CDK19: variants seen among roughly 807,000 people sequenced by gnomAD.
The protein encoded by CDK19 is cyclin dependent kinase 19.
Under a neutral mutation model 68.3 loss-of-function variants are expected in CDK19, and 20 were observed. That is an observed-to-expected ratio of 0.29 (90% CI 0.21 to 0.43). The LOEUF (loss-of-function observed/expected upper bound fraction) is 0.43, where lower values mean the gene tolerates loss of function less well. Ranked by LOEUF, CDK19 falls within the 20% of genes least tolerant of loss-of-function variation. The probability of loss-of-function intolerance (pLI) is 1.00; values close to 1 mark genes in which losing one functional copy is unlikely to be tolerated. For missense variants in CDK19, 339 were observed against 623.5 expected (o/e 0.54, Z 4.86); for synonymous variants, 221 against 222.8 (o/e 0.99, Z 0.07).
intron 4 of CDK19, among the ~76,000 whole-genome samples, chr6:110,649,554 GAAAAT>G (rs750915147): frequency 3.3e-5 from 5 of 151,910 alleles, no homozygotes; most frequent in Non-Finnish European, 7.4e-5. Context: ...AAAAGATAAA[GAAAAT>G]AAATGACAAA....
chr6:110,810,254 A>C (rs1308100345), intron 1 of CDK19, among the ~76,000 whole-genome samples: 5 of 152,218 alleles, frequency 3.3e-5, no homozygotes, highest in Non-Finnish European at 7.3e-5. Flanking sequence ...CTCAAGTATG[A>C]ATCATGCAAG....
intron 2 of CDK19, among the ~76,000 whole-genome samples, chr6:110,679,219 G>C (rs1161904867): frequency 6.6e-6 from 1 of 152,090 alleles, no homozygotes; most frequent in Non-Finnish European, 1.5e-5. Context: ...GGGAGGCTGA[G>C]GTACGAGGAC....
chr6:110,692,623 T>A (rs1212400585), intron 2 of CDK19, among the ~76,000 whole-genome samples: 5 of 152,110 alleles, frequency 3.3e-5, no homozygotes, highest in African/African-American at 1.2e-4. Flanking sequence ...TATACAAATA[T>A]AAGAAGCACA....
At chr6:110,750,050 G>A (rs1212127052) in intron 1 of CDK19, among the ~76,000 whole-genome samples, 1 of 145,786 alleles carries the variant, frequency 6.9e-6, no homozygotes, top group Non-Finnish European at 1.5e-5. Context: ...GATTATAGGC[G>A]TGAGCCACTG....
intron 1 of CDK19, among the ~76,000 whole-genome samples, chr6:110,808,073 TC>T (rs1171630545): frequency 6.6e-6 from 1 of 152,218 alleles, no homozygotes; most frequent in African/African-American, 2.4e-5. Flanking sequence ...ATAACAGTTT[TC>T]CTATTTATCC....
intron 2 of CDK19, among the ~76,000 whole-genome samples, chr6:110,739,836 C>T (rs1316719227): frequency 6.6e-6 from 1 of 151,110 alleles, no homozygotes; most frequent in Admixed American, 6.6e-5. Context: ...GACAGGGTCT[C>T]ACAATATTGT....
At chr6:110,785,074 C>CAAAA (rs66578190) in intron 1 of CDK19, among the ~76,000 whole-genome samples, 2 of 64,930 alleles carry the variant, frequency 3.1e-5, no homozygotes, top group African/African-American at 4.5e-5. Flanking sequence ...ACTGAATTGT[C>CAAAA]AAAAAAAAAA....
chr6:110,815,707 C>G (rs1783596758), upstream of CDK19: 1 of 152,610 alleles, frequency 6.6e-6, no homozygotes, highest in Non-Finnish European at 1.5e-5. Flanking sequence ...TTCTGCGGTT[C>G]TCGGGGAGAC....
intron 1 of CDK19, among the ~76,000 whole-genome samples, chr6:110,756,070 G>A (rs907754301): frequency 6.6e-6 from 1 of 151,916 alleles, no homozygotes; most frequent in Non-Finnish European, 1.5e-5. Flanking sequence ...ACCAGCCTGG[G>A]CCACATGGTG....
At chr6:110,670,671 AT>A in intron 2 of CDK19, 130 bp from the exon 3 acceptor site, 3 of 666,266 alleles carry the variant, frequency 4.5e-6, no homozygotes, top group Non-Finnish European at 8.2e-6. Flanking sequence ...AAAGAAAAAA[AT>A]ACCACCCAAA....
At chr6:110,632,707 G>A (rs1449251083) in intron 5 of CDK19, among the ~76,000 whole-genome samples, 1 of 151,976 alleles carries the variant, frequency 6.6e-6, no homozygotes, top group Non-Finnish European at 1.5e-5. Flanking sequence ...CTCCAGCCTG[G>A]GCAACAGAGT....
chr6:110,743,790 T>C (rs1335630416), intron 2 of CDK19, among the ~76,000 whole-genome samples: 4 of 152,170 alleles, frequency 2.6e-5, no homozygotes, highest in African/African-American at 9.7e-5. Context: ...AATTGAGTTA[T>C]CACTTCCTAT....
At chr6:110,664,145 T>C (rs920462115) in intron 4 of CDK19, among the ~76,000 whole-genome samples, 1 of 152,164 alleles carries the variant, frequency 6.6e-6, no homozygotes, top group Admixed American at 6.5e-5. Context: ...ATTCAGCTTA[T>C]CCATATTTGA....
chr6:110,808,500 G>C (rs1327776116), intron 1 of CDK19, among the ~76,000 whole-genome samples: 1 of 152,198 alleles, frequency 6.6e-6, no homozygotes, highest in Non-Finnish European at 1.5e-5. Flanking sequence ...AATTGCACCA[G>C]AGACAGTAAA....
chr6:110,794,638 C>G (rs1042338668), intron 1 of CDK19, among the ~76,000 whole-genome samples: 1 of 151,074 alleles, frequency 6.6e-6, no homozygotes, highest in Non-Finnish European at 1.5e-5. Flanking sequence ...CTCCTGACCT[C>G]GTGATCCACC....
At chr6:110,652,913 T>A (rs1781067709) in intron 4 of CDK19, among the ~76,000 whole-genome samples, 1 of 152,200 alleles carries the variant, frequency 6.6e-6, no homozygotes, top group African/African-American at 2.4e-5. Context: ...AAGGGAGTAG[T>A]AGCTTATGAG....
chr6:110,701,240 A>AAAAAAG (rs1417875457), intron 2 of CDK19, among the ~76,000 whole-genome samples: 1 of 149,896 alleles, frequency 6.7e-6, no homozygotes, highest in Non-Finnish European at 1.5e-5. Flanking sequence ...GTTGTTAAAG[A>AAAAAAG]AAAAAGAAAA....
intron 1 of CDK19, chr6:110,813,521 T>C (rs1562309617): frequency 6.6e-6 from 1 of 152,160 alleles, no homozygotes; most frequent in Non-Finnish European, 1.5e-5. Context: ...CAAAATATGT[T>C]AATTATAGTA....
chr6:110,788,032 G>C (rs1439724918), intron 1 of CDK19, among the ~76,000 whole-genome samples: 1 of 152,052 alleles, frequency 6.6e-6, no homozygotes, highest in African/African-American at 2.4e-5. Flanking sequence ...TAGAGACAGG[G>C]TTTCATCATG....
Sources: gnomAD v4.1 joint callset for allele counts (sites outside exome capture counted in the v4.1 genomes callset) on GRCh38, gnomAD v4.1.1 for gene constraint, MANE v1.5 for transcripts, NCBI Gene and HGNC (gene_info 2026-07-23, HGNC 2026-07-21) for gene names.